The following AGTPBP1 variants were observed in gnomAD, a reference collection of about 807,000 sequenced individuals.
AGTPBP1 encodes the protein ATP/GTP binding carboxypeptidase 1.
A neutral mutation model predicts 143.9 loss-of-function variants in AGTPBP1; 70 were observed. The observed-to-expected ratio is 0.49, with a 90% confidence interval of 0.40 to 0.59. AGTPBP1 has a LOEUF of 0.59. AGTPBP1 is among the 20% of genes least tolerant of loss of function. The probability of loss-of-function intolerance (pLI) is 0.00; values close to 1 mark genes in which losing one functional copy is unlikely to be tolerated. For synonymous variants in AGTPBP1, 463 were observed against 500.2 expected (o/e 0.93, Z 0.99); for missense variants, 1,229 against 1,464.5 (o/e 0.84, Z 2.62).
At chr9:85,645,264 G>A (rs1045548133) in intron 12 of AGTPBP1, among the ~76,000 whole-genome samples, 4 of 152,126 alleles carry the variant, frequency 2.6e-5, no homozygotes, top group Admixed American at 6.6e-5. Context: ...ATAAAGTAGG[G>A]AAAACGTGAG....
At chr9:85,688,626 C>CAAATTAACCATTTGCATGAAAGTGGAT (rs1835647723) in intron 3 of AGTPBP1, among the ~76,000 whole-genome samples, 1 of 152,000 alleles carries the variant, frequency 6.6e-6, no homozygotes, top group East Asian at 1.9e-4. Flanking sequence ...CATGGGTCAA[C>CAAATTAACCATTTGCATGAAAGTGGAT]AAATTAACCA....
chr9:85,730,637 C>T (rs1838814713), intron 1 of AGTPBP1, among the ~76,000 whole-genome samples: 1 of 152,146 alleles, frequency 6.6e-6, no homozygotes, highest in Non-Finnish European at 1.5e-5. Flanking sequence ...CCAGCAAATG[C>T]CACTAGTGCT....
At chr9:85,674,959 C>T (rs1462320455) in intron 6 of AGTPBP1, among the ~76,000 whole-genome samples, 3 of 151,914 alleles carry the variant, frequency 2.0e-5, no homozygotes, top group African/African-American at 7.3e-5. Context: ...TGCAGTGGTA[C>T]GATCTCGGCT....
the AGTPBP1 span, among the ~76,000 whole-genome samples, chr9:85,760,526 TTG>T: frequency 0.053 from 8,105 of 152,248 alleles, 301 homozygotes; most frequent in Non-Finnish European, 0.084. Context: ...AACCACATGA[TTG>T]TCTCAATAGA....
intron 23 of AGTPBP1, among the ~76,000 whole-genome samples, chr9:85,583,031 G>C (rs62566894): frequency 1.3e-5 from 2 of 152,042 alleles, no homozygotes; most frequent in African/African-American, 2.4e-5. Flanking sequence ...GGAAGGCAGC[G>C]GAAGGAGAGA....
chr9:85,792,465 T>C, the AGTPBP1 span, among the ~76,000 whole-genome samples: 1 of 152,218 alleles, frequency 6.6e-6, no homozygotes, highest in Non-Finnish European at 1.5e-5. Context: ...ATCTGAATTG[T>C]TCCATTCAAG....
intron 1 of AGTPBP1, among the ~76,000 whole-genome samples, chr9:85,723,437 G>A (rs1235647779): frequency 1.3e-5 from 2 of 152,228 alleles, no homozygotes; most frequent in East Asian, 3.9e-4. Flanking sequence ...CAGCATTGCA[G>A]GTTGATCTCA....
intron 1 of AGTPBP1, among the ~76,000 whole-genome samples, chr9:85,729,026 A>C: frequency 6.6e-6 from 1 of 152,224 alleles, no homozygotes; most frequent in South Asian, 2.1e-4. Context: ...AAATAACATT[A>C]ATTAAAATCA....
At chr9:85,555,302 A>G (rs551250134) in intron 25 of AGTPBP1, among the ~76,000 whole-genome samples, 19 of 152,196 alleles carry the variant, frequency 1.2e-4, no homozygotes, top group Non-Finnish European at 2.6e-4. Context: ...TCAAAGGAGT[A>G]AAAAATAAGA....
At chr9:85,595,865 T>C (rs986342047) in intron 18 of AGTPBP1, among the ~76,000 whole-genome samples, 2 of 152,202 alleles carry the variant, frequency 1.3e-5, no homozygotes, top group African/African-American at 4.8e-5. Context: ...GTAGATCACA[T>C]ATTTACAGTC....
At chr9:85,799,403 G>C in the AGTPBP1 span, among the ~76,000 whole-genome samples, 2 of 152,078 alleles carry the variant, frequency 1.3e-5, no homozygotes, top group Admixed American at 6.6e-5. Context: ...GAGGAATTGC[G>C]ACATTGTCCT....
At chr9:85,785,841 T>C in the AGTPBP1 span, 11 of 225,844 alleles carry the variant, frequency 4.9e-5, 1 homozygote, top group Admixed American at 6.1e-4. Context: ...TTCCAGGGAG[T>C]ACCAAACCCC....
chr9:85,659,015 A>C (rs1833699450), intron 9 of AGTPBP1, among the ~76,000 whole-genome samples: 1 of 152,200 alleles, frequency 6.6e-6, no homozygotes, highest in Non-Finnish European at 1.5e-5. Context: ...CATTATGATC[A>C]TTCTAATTCC....
chr9:85,774,711 T>C, the AGTPBP1 span, among the ~76,000 whole-genome samples: 1 of 152,306 alleles, frequency 6.6e-6, no homozygotes, highest in East Asian at 1.9e-4. Flanking sequence ...TAGTCTTGAT[T>C]CTCATGAATC....
chr9:85,636,905 CAA>C (rs1423561937), intron 13 of AGTPBP1, among the ~76,000 whole-genome samples: 1 of 151,406 alleles, frequency 6.6e-6, no homozygotes, highest in African/African-American at 2.4e-5. Context: ...AGCATTAAAG[CAA>C]AAAAAGTATA....
chr9:85,593,436 T>C (rs969099830), intron 18 of AGTPBP1, among the ~76,000 whole-genome samples: 1 of 152,184 alleles, frequency 6.6e-6, no homozygotes, highest in Non-Finnish European at 1.5e-5. Context: ...AAAAGCAATG[T>C]GTGATCCTTG....
chr9:85,592,952 A>C (rs2133239005), intron 18 of AGTPBP1, among the ~76,000 whole-genome samples: 1 of 152,288 alleles, frequency 6.6e-6, no homozygotes, highest in Non-Finnish European at 1.5e-5. Flanking sequence ...CACGTCAAAA[A>C]AATTTTTAGA....
chr9:85,739,163 T>C (rs1824046071), intron 1 of AGTPBP1, among the ~76,000 whole-genome samples: 1 of 152,168 alleles, frequency 6.6e-6, no homozygotes, highest in Non-Finnish European at 1.5e-5. Flanking sequence ...CCCAACTCCT[T>C]AGCCACTACA....
chr9:85,695,769 C>A (rs1836188188), intron 2 of AGTPBP1, among the ~76,000 whole-genome samples: 1 of 152,104 alleles, frequency 6.6e-6, no homozygotes, highest in African/African-American at 2.4e-5. Context: ...ATCATTTTTA[C>A]TTCAAGAAAA....
Sources: gnomAD v4.1 joint callset for allele counts (sites outside exome capture counted in the v4.1 genomes callset) on GRCh38, gnomAD v4.1.1 for gene constraint, MANE v1.5 for transcripts, NCBI Gene and HGNC (gene_info 2026-07-23, HGNC 2026-07-21) for gene names.